Variants in IL3 observed in about 807,000 individuals in gnomAD.
The protein encoded by IL3 is interleukin-3.
A neutral mutation model predicts 15.4 loss-of-function variants in IL3; 15 were observed. The ratio of observed to expected loss-of-function variants is 0.97; its 90% CI spans 0.65 to 1.50. The LOEUF (loss-of-function observed/expected upper bound fraction) is 1.50. Ranked by LOEUF, IL3 falls within the 40% of genes most tolerant of loss-of-function variation. The pLI is 0.00. For synonymous variants in IL3, 74 were observed against 79.3 expected, an observed-to-expected ratio of 0.93 and a Z score of 0.36; for missense variants, 162 against 192.2, an observed-to-expected ratio of 0.84 and a Z score of 0.93.
chr5:132,062,447 C>T, intron 3 of IL3, 46 bp downstream of exon 3: 2 of 1,610,074 alleles, frequency 1.2e-6, no homozygotes, highest in Non-Finnish European at 1.7e-6. Context: ...TTGGCCCTGC[C>T]CTGCCTCTGG....
rs546686029 is a variant in IL3, at chr5:132,062,554, C to T, written c.323C>T (p.Thr108Met). 8.7e-5 allele frequency: 140 copies of T among 1,614,152 alleles called. No homozygotes were observed. Among genetic ancestry groups the T allele is most frequent in the Admixed American group, 1.8e-4 (11 of 60,024 alleles). The part of the protein sequence containing the change: ...KNLLPCLPLA[T>M]AAPTRHPIHI... ...CTCCTGCCATGTCTGCCCCTGGCCA[C>T]GGCCGCACCCACGGTAAGCTGTCCC... The change falls in exon 4 of 5, where the codon ACG becomes ATG. Residue 108 changes from threonine (T) to methionine (M), a missense_variant. Physicochemically the swap from Thr to Met is moderately conservative, Grantham distance 81. Transcript: ENST00000296870.
rs1366187306 is a variant in IL3 at position 132,062,803 on chromosome 5, A to G, written c.*12A>G. The G allele has an allele frequency of 1.2e-6, 2 of 1,610,036 alleles. No individual in the cohort carries two copies. Among genetic ancestry groups the G allele is most frequent in the South Asian group, 2.2e-5 (2 of 90,864 alleles). On this transcript the variant is annotated 3_prime_UTR_variant, in exon 5 of 5. Coordinates refer to ENST00000296870, the MANE Select transcript of IL3 (RefSeq NM_000588.4). ...TCGCGATCTTTTGAGTCCAACGTCCAGCTCGTTCTCTGGGCCTTCTCACCA... is the reference window on the plus strand; with the variant it reads ...TCGCGATCTTTTGAGTCCAACGTCCGGCTCGTTCTCTGGGCCTTCTCACCA...
chr5:132,061,716 T>C (rs1290391051), intron 2 of IL3, among the ~76,000 whole-genome samples: 1 of 151,760 alleles, frequency 6.6e-6, no homozygotes, highest in Admixed American at 6.6e-5. Flanking sequence ...TTTTTGGAGA[T>C]ATTTTTTCCC....
In IL3 at chr5:132,062,541, C is replaced by T; in HGVS notation, c.310C>T (p.Leu104=). Residue 104 remains leucine, a synonymous_variant, in exon 4 of 5, where the codon CTG becomes TTG. Transcript: ENST00000296870. ...CTTTCCACAGAATCTCCTGCCATGT[C>T]TGCCCCTGGCCACGGCCGCACCCAC... ...ESILKNLLPC[L]PLATAAPTRH... is the part of the protein sequence containing the mutation. 2 of 1,614,232 alleles carry T rather than the reference C, an allele frequency of 1.2e-6. No individual in the cohort carries two copies. Among genetic ancestry groups the T allele is most frequent in the Non-Finnish European group, 1.7e-6 (2 of 1,180,036 alleles).
At position 132,060,963 on chromosome 5, in the gene IL3, A is replaced by G. The variant is rs1756466056; in HGVS notation, c.163-4A>G. 2 of 1,613,988 alleles carry G rather than the reference A, an allele frequency of 1.2e-6. No homozygotes were observed. Among genetic ancestry groups the G allele is most frequent in the African/African-American group, 2.7e-5 (2 of 74,914 alleles). Reference sequence around the variant, plus strand: ...TGGGCCTTTCTCTCCCTTCACCCCCACAGGACTTCAACAACCTCAATGGGG... The same window carrying G: ...TGGGCCTTTCTCTCCCTTCACCCCCGCAGGACTTCAACAACCTCAATGGGG... On this transcript the variant is annotated splice_polypyrimidine_tract_variant and splice_region_variant and intron_variant, in intron 1 of 4. Transcript: ENST00000296870.
chr5:132,062,437 T>C, intron 3 of IL3, 36 bp downstream of exon 3: 2 of 1,612,026 alleles, frequency 1.2e-6, no homozygotes, highest in Non-Finnish European at 1.7e-6. Flanking sequence ...GATCCCTGTG[T>C]TGGCCCTGCC....
At position 132,062,405 on chromosome 5, in the gene IL3, T is replaced by C. The variant is rs144135155; in HGVS notation, c.294+4T>C. On this transcript the variant is annotated splice_donor_region_variant and intron_variant, in intron 3 of 4. Coordinates refer to ENST00000296870, the MANE Select transcript of IL3 (RefSeq NM_000588.4). The stretch of plus-strand genomic sequence containing the variant: ...AGCAATTGAGAGCATTCTTAAAGTA[T>C]GTGAAGCTGTTGAGGGTTTGGGATC... The C allele has an allele frequency of 3.7e-6, 6 of 1,613,878 alleles. No individual in the cohort carries two copies. The highest frequency in any genetic ancestry group is 5.1e-6 in the Non-Finnish European group (6 of 1,179,724).
chr5:132,062,162 G>A, intron 2 of IL3, 150 bp from the exon 3 acceptor site: 1 of 711,050 alleles, frequency 1.4e-6, no homozygotes. Flanking sequence ...CCCTTGGGCA[G>A]GGACCCACCT....
rs1452723578 is a variant in IL3, at chr5:132,063,024, T to TTATG, written c.*245_*248dup. 3 of 513,378 alleles carry TTATG rather than the reference T, an allele frequency of 5.8e-6. No homozygotes were observed. The highest frequency in any genetic ancestry group is 3.4e-6 in the Non-Finnish European group (1 of 292,988). The allele number at this position is 513,378 out of a possible 1,614,324, so 31.8% of individuals were successfully genotyped here. A position where few individuals can be genotyped will look rare whatever the true frequency, so the allele number is the denominator to read the frequency against. ...TTTTTATCCCATTGAGACTATTTAT[T>TTATG]TATGTATGTATGTATTTATTTATTT... On this transcript the variant is annotated 3_prime_UTR_variant, in exon 5 of 5. Transcript: ENST00000296870.
chr5:132,061,175 C>A (rs1488135674), intron 2 of IL3, among the ~76,000 whole-genome samples, 167 bp downstream of exon 2: 1 of 152,186 alleles, frequency 6.6e-6, no homozygotes, highest in Non-Finnish European at 1.5e-5. Context: ...CATGTTCTGG[C>A]CCAGCATCTG....
intron 2 of IL3, among the ~76,000 whole-genome samples, chr5:132,061,768 ATTT>A (rs11314637): frequency 1.6e-4 from 19 of 118,404 alleles, no homozygotes; most frequent in African/African-American, 3.3e-4. Context: ...CTCCCCACCC[ATTT>A]TTTTTTTTTT....
rs534337648 is a variant in IL3 at position 132,060,784 on chromosome 5, G to A, written c.78G>A (p.Thr26=). 1.4e-5 allele frequency: 23 copies of A among 1,614,172 alleles called. No homozygotes were observed. Among genetic ancestry groups the A allele is most frequent in the Admixed American group, 3.3e-5 (2 of 60,026 alleles). ...PGLQAPMTQT[T]PLKTSWVNCS... ...TCCAAGCTCCCATGACCCAGACAACGCCCTTGAAGACAAGCTGGGTTAACT... is the reference window on the plus strand; with the variant it reads ...TCCAAGCTCCCATGACCCAGACAACACCCTTGAAGACAAGCTGGGTTAACT... Residue 26 remains threonine, a synonymous_variant, in exon 1 of 5, where the codon ACG becomes ACA. Coordinates refer to ENST00000296870, the MANE Select transcript of IL3 (RefSeq NM_000588.4).
In IL3 at chr5:132,062,808, G is replaced by C. The variant is rs781400290; in HGVS notation, c.*17G>C. The C allele has an allele frequency of 1.9e-6, 3 of 1,608,294 alleles. No individual in the cohort carries two copies. The highest frequency in any genetic ancestry group is 1.1e-5 in the South Asian group (1 of 90,634). ...ATCTTTTGAGTCCAACGTCCAGCTC[G>C]TTCTCTGGGCCTTCTCACCACAGAG... On this transcript the variant is annotated 3_prime_UTR_variant, in exon 5 of 5. Transcript: ENST00000296870.
At chr5:132,060,912 T>G in intron 1 of IL3, 44 bp downstream of exon 1, 2 of 1,612,124 alleles carry the variant, frequency 1.2e-6, no homozygotes, top group Non-Finnish European at 1.7e-6. Context: ...TGAGGGGTGG[T>G]GGCTGCCTAA....
In IL3 at chr5:132,060,871, G is replaced by A. The variant is rs1477141834; in HGVS notation, c.162+3G>A. On this transcript the variant is annotated splice_donor_region_variant and intron_variant, in intron 1 of 4. Transcript: ENST00000296870. Reference sequence around the variant, plus strand: ...AGCAGCCACCTTTGCCTTTGCTGGTGAGTAGCTTGGATAAGACTGGCCTGC... The same window carrying A: ...AGCAGCCACCTTTGCCTTTGCTGGTAAGTAGCTTGGATAAGACTGGCCTGC... 5 of 1,613,508 alleles carry A rather than the reference G, an allele frequency of 3.1e-6. No homozygotes were observed. The highest frequency in any genetic ancestry group is 2.7e-5 in the African/African-American group (2 of 74,922).
chr5:132,060,680 G>C lies in IL3; in HGVS notation c.-27G>C, dbSNP rs1285308068. 2 of 1,611,768 alleles carry C rather than the reference G, an allele frequency of 1.2e-6. No individual in the cohort carries two copies. Among genetic ancestry groups the C allele is most frequent in the African/African-American group, 2.7e-5 (2 of 74,864 alleles). On this transcript the variant is annotated 5_prime_UTR_variant, in exon 1 of 5. Transcript: ENST00000296870. ...AGAGCCCCACGAAGGACCAGAACAA[G>C]ACAGAGTGCCTCCTGCCGATCCAAA...
rs1441397941 is a variant in IL3 at position 132,063,007 on chromosome 5, C to G, written c.*216C>G. 1 of 559,314 alleles carries G rather than the reference C, an allele frequency of 1.8e-6. No homozygotes were observed. Among genetic ancestry groups the G allele is most frequent in the African/African-American group, 1.9e-5 (1 of 53,346 alleles). The allele number at this position is 559,314 out of a possible 1,614,324, so 34.6% of individuals were successfully genotyped here. A position where few individuals can be genotyped will look rare whatever the true frequency, so the allele number is the denominator to read the frequency against. ...GTGCGGTTGTGTTCTCATTTTTATC[C>G]CATTGAGACTATTTATTTATGTATG... On this transcript the variant is annotated 3_prime_UTR_variant, in exon 5 of 5. Coordinates refer to ENST00000296870, the MANE Select transcript of IL3 (RefSeq NM_000588.4).
intron 2 of IL3, among the ~76,000 whole-genome samples, chr5:132,062,025 G>A (rs1325218351): frequency 6.6e-6 from 1 of 152,226 alleles, no homozygotes; most frequent in Non-Finnish European, 1.5e-5. Context: ...GCCTCCCAAA[G>A]TGCTGGGATT....
At position 132,062,306 on chromosome 5, in the gene IL3, C is replaced by T. The variant is rs202189219; in HGVS notation, c.205-6C>T. On this transcript the variant is annotated splice_region_variant and splice_polypyrimidine_tract_variant and intron_variant, in intron 2 of 4. Coordinates refer to ENST00000296870, the MANE Select transcript of IL3 (RefSeq NM_000588.4). ...TCCCCCTTAAGTGTATTCTCTGCCC[C>T]GTTAGGAAAATAACCTTCGAAGGCC... 395 of 1,609,204 alleles carry T rather than the reference C, an allele frequency of 2.5e-4. No homozygotes were observed. Among genetic ancestry groups the T allele is most frequent in the Non-Finnish European group, 2.8e-4 (324 of 1,175,600 alleles).
Sources: gnomAD v4.1 joint callset for allele counts (sites outside exome capture counted in the v4.1 genomes callset) on GRCh38, gnomAD v4.1.1 for gene constraint, MANE v1.5 for transcripts, NCBI Gene and HGNC (gene_info 2026-07-23, HGNC 2026-07-21) for gene names.